The following SWT1 variants were observed in gnomAD, a reference collection of about 807,000 sequenced individuals.
SWT1 encodes the protein transcriptional protein SWT1.
A neutral mutation model predicts 107.3 loss-of-function variants in SWT1; 33 were observed. The ratio of observed to expected loss-of-function variants is 0.31; its 90% confidence interval spans 0.23 to 0.41. The LOEUF is 0.41. Ranked by LOEUF, SWT1 falls within the 10% of genes least tolerant of loss-of-function variation. The probability of loss-of-function intolerance (pLI) is 1.00; values close to 1 mark genes in which losing one functional copy is unlikely to be tolerated. For synonymous variants in SWT1, 345 were observed against 348.3 expected, an observed-to-expected ratio of 0.99 and a Z score of 0.11; for missense variants, 898 against 1,028.9, an observed-to-expected ratio of 0.87 and a Z score of 1.74.
At chr1:185,177,120 G>T (rs1047764052) in intron 5 of SWT1, 1 of 836,706 alleles carries the variant, frequency 1.2e-6, no homozygotes, top group Non-Finnish European at 1.4e-6. Context: ...GGGGCCCAAA[G>T]AGGGCAAGAA....
chr1:185,212,761 C>G (rs1230387054), intron 13 of SWT1, among the ~76,000 whole-genome samples: 4 of 150,952 alleles, frequency 2.6e-5, no homozygotes, highest in African/African-American at 7.3e-5. Flanking sequence ...CGAGATTGCG[C>G]CATTGCACTC....
In SWT1 at chr1:185,168,332, T is replaced by A. The variant is rs200125202; in HGVS notation, c.166-8T>A. The A allele has an allele frequency of 1.6e-6, 2 of 1,263,846 alleles. No individual in the cohort carries two copies. The highest frequency in any genetic ancestry group is 2.1e-6 in the Non-Finnish European group (2 of 937,548). 78.3% of individuals were successfully genotyped at this position (1,263,846 alleles called of 1,614,324 possible). A position where few individuals can be genotyped will look rare whatever the true frequency, so the allele number is the denominator to read the frequency against. On this transcript the variant is annotated splice_region_variant and splice_polypyrimidine_tract_variant and intron_variant, in intron 3 of 18. Transcript: ENST00000367500. ...ACAATTTATGTGTCCTTTTTTTATTTATTTCAGAAATCAGATCATACAGAT... is the reference window on the plus strand; with the variant it reads ...ACAATTTATGTGTCCTTTTTTTATTAATTTCAGAAATCAGATCATACAGAT...
At chr1:185,239,836 T>A (rs946418883) in intron 16 of SWT1, among the ~76,000 whole-genome samples, 2 of 152,086 alleles carry the variant, frequency 1.3e-5, no homozygotes, top group Admixed American at 1.3e-4. Flanking sequence ...ACCTTTTGCT[T>A]AGTATATAAA....
Position 185,290,724 on chromosome 1 carries a change from T to C in SWT1, c.2624T>C (p.Met875Thr). 1 of 1,609,808 alleles carries C rather than the reference T, an allele frequency of 6.2e-7. No individual in the cohort carries two copies. The highest frequency in any genetic ancestry group is 8.5e-7 in the Non-Finnish European group (1 of 1,177,284). Residue 875 changes from methionine to threonine, a missense_variant, in exon 19 of 19, where the codon ATG (methionine) becomes ACG (threonine). Coordinates refer to ENST00000367500, the MANE Select transcript of SWT1 (RefSeq NM_017673.7). ...CRQLVEMEYT[M>T]QQCNASVYME... ...CAGCTGGTTGAGATGGAATATACCATGCAGCAGTGCAATGCATCTGTTTAT... is the reference window on the plus strand; with the variant it reads ...CAGCTGGTTGAGATGGAATATACCACGCAGCAGTGCAATGCATCTGTTTAT...
chr1:185,256,668 A>G (rs1662557246), intron 16 of SWT1, among the ~76,000 whole-genome samples: 1 of 147,802 alleles, frequency 6.8e-6, no homozygotes. Context: ...TGGTTATTCT[A>G]GTTATACATT....
chr1:185,216,263 A>G (rs1030826879), intron 14 of SWT1, among the ~76,000 whole-genome samples: 1 of 152,098 alleles, frequency 6.6e-6, no homozygotes, highest in Non-Finnish European at 1.5e-5. Context: ...TTTAATGGCA[A>G]GCGTGATTTT....
In SWT1 at chr1:185,281,499, C is replaced by T. The variant is rs538456875; in HGVS notation, c.2573+4831C>T. On this transcript the variant is annotated intron_variant, in intron 18 of 18. Transcript: ENST00000367500. The stretch of plus-strand genomic sequence containing the variant: ...TGCATGGCTTGAAGGGTAAAAGTAG[C>T]GACAGGCAAGCTACCCATAAACCAT... The T allele has an allele frequency of 8.0e-5, 15 of 187,168 alleles. No homozygotes were observed. In the East Asian group the frequency reaches 9.8e-4, roughly 12 times the overall value. The allele number at this position is 187,168 out of a possible 1,614,324, so 11.6% of individuals were successfully genotyped here. A position where few individuals can be genotyped will look rare whatever the true frequency, so the allele number is the denominator to read the frequency against.
At chr1:185,222,143 A>T (rs1228571914) in intron 15 of SWT1, 107 bp downstream of exon 15, 2 of 642,596 alleles carry the variant, frequency 3.1e-6, no homozygotes, top group Non-Finnish European at 4.7e-6. Flanking sequence ...TTCAATAGAT[A>T]TATGTGATAT....
rs550045092 is a variant in SWT1, at chr1:185,277,175, A to G, written c.2573+507A>G. On this transcript the variant is annotated intron_variant, in intron 18 of 18. Transcript: ENST00000367500. ...TTGCATTCAATCTGTTTTGATAAGC[A>G]TGGCCGGATTGCGGGAAAAGTACTG... is the stretch of plus-strand genomic sequence containing the variant. Among the ~76,000 whole-genome samples, 86 of 152,374 alleles carry G rather than the reference A, an allele frequency of 5.6e-4. 1 individual carries two copies. Among genetic ancestry groups the G allele is most frequent in the Non-Finnish European group, 1.1e-3 (74 of 68,036 alleles).
chr1:185,228,869 T>C (rs564843868), intron 15 of SWT1, among the ~76,000 whole-genome samples: 4 of 152,050 alleles, frequency 2.6e-5, no homozygotes, highest in Admixed American at 6.6e-5. Flanking sequence ...GATAGAAGAA[T>C]AGAAATTACA....
At chr1:185,287,319 G>C (rs1202955521) in intron 18 of SWT1, among the ~76,000 whole-genome samples, 1 of 152,172 alleles carries the variant, frequency 6.6e-6, no homozygotes. Flanking sequence ...GGAAAATCTA[G>C]AGAAATAGTG....
chr1:185,227,078 G>A lies in SWT1; in HGVS notation c.2310-4499G>A, dbSNP rs1231865305. On this transcript the variant is annotated intron_variant, in intron 15 of 18. Coordinates refer to ENST00000367500, the MANE Select transcript of SWT1 (RefSeq NM_017673.7). ...TATCTTCTTCCATTAAATAGCACAT[G>A]TAATCTGCAACATTCTGGCCCATGA... is the stretch of plus-strand genomic sequence containing the variant. The A allele has an allele frequency of 2.8e-6, 3 of 1,076,110 alleles. No individual in the cohort carries two copies. The Admixed American group carries it at 5.1e-5, about 18-fold the overall frequency. The allele number at this position is 1,076,110 out of a possible 1,614,324, so 66.7% of individuals were successfully genotyped here.
At chr1:185,206,803 A>G in intron 13 of SWT1, 40 bp downstream of exon 13, 1 of 1,401,628 alleles carries the variant, frequency 7.1e-7, no homozygotes, top group Non-Finnish European at 9.7e-7. Flanking sequence ...GTGTTGTATT[A>G]AGTCAGACTA....
At chr1:185,189,788 T>A (rs574675579) in intron 9 of SWT1, among the ~76,000 whole-genome samples, 1 of 150,644 alleles carries the variant, frequency 6.6e-6, no homozygotes, top group South Asian at 2.2e-4. Flanking sequence ...TTCTTTCTTT[T>A]ATATGTACAT....
chr1:185,189,956 C>G (rs902492331), intron 9 of SWT1, among the ~76,000 whole-genome samples: 2 of 151,696 alleles, frequency 1.3e-5, no homozygotes, highest in Non-Finnish European at 2.9e-5. Flanking sequence ...TCAACTGATT[C>G]TCCTGCCTCA....
intron 11 of SWT1, among the ~76,000 whole-genome samples, chr1:185,203,150 C>T (rs1474623980): frequency 6.6e-6 from 1 of 152,046 alleles, no homozygotes; most frequent in Non-Finnish European, 1.5e-5. Flanking sequence ...ACAGAGTATT[C>T]CTTTTAAATT....
chr1:185,222,961 T>C (rs1659783720), intron 15 of SWT1, among the ~76,000 whole-genome samples: 1 of 152,198 alleles, frequency 6.6e-6, no homozygotes, highest in African/African-American at 2.4e-5. Context: ...ACCACTGTTC[T>C]ACTCTGCCTC....
At chr1:185,262,998 G>C (rs1663133910) in intron 16 of SWT1, among the ~76,000 whole-genome samples, 1 of 151,974 alleles carries the variant, frequency 6.6e-6, no homozygotes, top group Admixed American at 6.6e-5. Context: ...TGTTGCCCAG[G>C]CTGGTCTGGA....
At chr1:185,270,083 A>G (rs751987365) in intron 16 of SWT1, among the ~76,000 whole-genome samples, 18 of 152,200 alleles carry the variant, frequency 1.2e-4, no homozygotes, top group Non-Finnish European at 4.4e-5. Context: ...TGTTGTAATG[A>G]CTTTTCTTAT....
Sources: allele counts gnomAD v4.1 joint callset (sites outside exome capture counted in the v4.1 genomes callset), GRCh38; gene constraint gnomAD v4.1.1; transcripts MANE v1.5; gene names NCBI Gene and HGNC (gene_info 2026-07-23, HGNC 2026-07-21).